Variants in ZC3H12B observed in about 807,000 individuals in gnomAD.
ZC3H12B encodes zinc finger CCCH-type containing 12B, also known as probable ribonuclease ZC3H12B.
In ZC3H12B, 7 loss-of-function variants were observed where a neutral mutation model predicts 43.9. The observed-to-expected ratio is 0.16, with a 90% CI of 0.09 to 0.30. The LOEUF is 0.30. Among genes scored for constraint, ZC3H12B ranks in the 10% least tolerant of loss-of-function variants. The pLI is 1.00. For synonymous variants in ZC3H12B, 222 were observed against 241.7 expected (o/e 0.92, Z 0.76); for missense variants, 475 against 670.2 (o/e 0.71, Z 3.22).
intron 3 of ZC3H12B, among the ~76,000 whole-genome samples, chrX:65,475,517 A>G (rs1321575659): frequency 9.0e-6 from 1 of 111,042 alleles, no homozygotes; most frequent in Non-Finnish European, 1.9e-5. Flanking sequence ...TGAGAAATCC[A>G]CTGATAGTCT....
chrX:65,268,004 A>G, the ZC3H12B span, among the ~76,000 whole-genome samples: 8 of 110,615 alleles, frequency 7.2e-5, no homozygotes, highest in Non-Finnish European at 1.5e-4. Context: ...AAAAACTAAA[A>G]TCGGAGGCCC....
the ZC3H12B span, among the ~76,000 whole-genome samples, chrX:65,179,361 C>G: frequency 9.3e-6 from 1 of 107,280 alleles, no homozygotes; most frequent in Non-Finnish European, 1.9e-5. Context: ...ACCTATGTAA[C>G]AAACCTGCAT....
chrX:65,177,462 T>A, the ZC3H12B span, among the ~76,000 whole-genome samples: 1 of 111,958 alleles, frequency 8.9e-6, no homozygotes. Flanking sequence ...AAAAGGGTAT[T>A]CAAGTAGGAA....
upstream of ZC3H12B, among the ~76,000 whole-genome samples, chrX:65,484,668 C>T (rs1480898781): frequency 8.9e-6 from 1 of 112,447 alleles, no homozygotes; most frequent in African/African-American, 3.2e-5. Context: ...TGAGAACTTA[C>T]TATTTTGTTC....
chrX:65,242,132 G>A, the ZC3H12B span, among the ~76,000 whole-genome samples: 2 of 110,641 alleles, frequency 1.8e-5, no homozygotes, highest in Non-Finnish European at 3.8e-5. Context: ...TGCCACTCCC[G>A]GGTGGGCTAT....
intron 2 of ZC3H12B, among the ~76,000 whole-genome samples, chrX:65,390,306 A>G (rs1287999308): frequency 9.0e-6 from 1 of 111,108 alleles, no homozygotes; most frequent in Non-Finnish European, 1.9e-5. Context: ...CGTAATGTAA[A>G]TGATGAGTTA....
chrX:65,036,923 A>T, the ZC3H12B span, among the ~76,000 whole-genome samples: 1 of 110,628 alleles, frequency 9.0e-6, no homozygotes, highest in East Asian at 2.8e-4. Flanking sequence ...ACATTATAAA[A>T]TAAAATTGAT....
intron 3 of ZC3H12B, among the ~76,000 whole-genome samples, chrX:65,461,635 A>G (rs192659940): frequency 2.0e-3 from 221 of 111,633 alleles, no homozygotes; most frequent in African/African-American, 6.7e-3. Flanking sequence ...TCTCACTCAT[A>G]TGTGGGAATT....
At chrX:65,348,147 G>T in the ZC3H12B span, among the ~76,000 whole-genome samples, 1 of 111,745 alleles carries the variant, frequency 8.9e-6, no homozygotes, top group African/African-American at 3.3e-5. Context: ...GAGTCAATGG[G>T]TGCAGCACAC....
chrX:65,075,379 TGAGG>T, the ZC3H12B span, among the ~76,000 whole-genome samples: 8 of 112,557 alleles, frequency 7.1e-5, no homozygotes, highest in Non-Finnish European at 1.5e-4. Flanking sequence ...CTCCCCTCCC[TGAGG>T]GAGAAGCCTT....
intron 3 of ZC3H12B, among the ~76,000 whole-genome samples, chrX:65,463,068 A>G (rs190403448): frequency 3.6e-4 from 40 of 112,196 alleles, no homozygotes; most frequent in African/African-American, 1.3e-3. Context: ...CTAAACATTG[A>G]GTACTCATGG....
chrX:65,328,521 CT>C, the ZC3H12B span: 2,129 of 176,720 alleles, frequency 0.012, 3 homozygotes, highest in Middle Eastern at 0.015. Flanking sequence ...TCCTCATTTT[CT>C]TTTTTTTTTA....
the ZC3H12B span, among the ~76,000 whole-genome samples, chrX:65,200,426 CTTTTTTTT>C: frequency 2.7e-4 from 16 of 59,595 alleles, 1 homozygote; most frequent in African/African-American, 1.4e-3. Flanking sequence ...ATAGTTTCCT[CTTTTTTTT>C]TTTTTTTTTT....
the ZC3H12B span, among the ~76,000 whole-genome samples, chrX:65,224,056 G>A: frequency 8.9e-6 from 1 of 112,369 alleles, no homozygotes; most frequent in Non-Finnish European, 1.9e-5. Context: ...CAGACCAAAT[G>A]CCCATCAGTC....
At chrX:65,129,314 G>A in the ZC3H12B span, among the ~76,000 whole-genome samples, 8 of 107,321 alleles carry the variant, frequency 7.5e-5, no homozygotes, top group Non-Finnish European at 1.1e-4. Flanking sequence ...ATATGCATCC[G>A]TGTGAAGAGA....
chrX:65,170,310 T>A, the ZC3H12B span, among the ~76,000 whole-genome samples: 2 of 111,844 alleles, frequency 1.8e-5, no homozygotes, highest in African/African-American at 6.5e-5. Flanking sequence ...TTTGGCTGGA[T>A]ATGAAATTCT....
the ZC3H12B span, among the ~76,000 whole-genome samples, chrX:65,309,838 G>A: frequency 8.9e-6 from 1 of 111,842 alleles, no homozygotes; most frequent in African/African-American, 3.3e-5. Flanking sequence ...TACAAACCTG[G>A]TTCAACATAA....
At chrX:65,258,204 A>G in the ZC3H12B span, among the ~76,000 whole-genome samples, 1 of 111,743 alleles carries the variant, frequency 8.9e-6, no homozygotes, top group Non-Finnish European at 1.9e-5. Context: ...AAGCACATCA[A>G]AAAGCTAATC....
chrX:65,113,325 A>C, the ZC3H12B span, among the ~76,000 whole-genome samples: 1 of 111,883 alleles, frequency 8.9e-6, no homozygotes, highest in African/African-American at 3.2e-5. Flanking sequence ...GATTTAGAAT[A>C]TTATGTAAAC....
Sources: gnomAD v4.1 joint callset for allele counts (sites outside exome capture counted in the v4.1 genomes callset) on GRCh38, gnomAD v4.1.1 for gene constraint, MANE v1.5 for transcripts, NCBI Gene and HGNC (gene_info 2026-07-23, HGNC 2026-07-21) for gene names.